SVOP: variants seen among roughly 807,000 people sequenced by gnomAD.
SVOP encodes the protein SV2 related protein, also known as synaptic vesicle 2-related protein.
Under a neutral mutation model 69.1 loss-of-function variants are expected in SVOP, and 17 were observed. The ratio of observed to expected loss-of-function variants is 0.25; its 90% confidence interval spans 0.17 to 0.37. SVOP has a LOEUF of 0.37. SVOP is among the 10% of genes least tolerant of loss of function. SVOP has a pLI of 1.00. For missense variants in SVOP, 435 were observed against 597.5 expected (o/e 0.73, Z 2.84); for synonymous variants, 238 against 238.6 (o/e 1.00, Z 0.02).
chr12:108,969,344 C>T (rs1457868737), intron 5 of SVOP, among the ~76,000 whole-genome samples: 1 of 144,230 alleles, frequency 6.9e-6, no homozygotes, highest in Non-Finnish European at 1.5e-5. Context: ...TCCTACCTCG[C>T]TCTCTTTCTC....
At chr12:108,926,447 T>A (rs913039682) in intron 11 of SVOP, 1 of 152,210 alleles carries the variant, frequency 6.6e-6, no homozygotes, top group African/African-American at 2.4e-5. Context: ...AAATATGGCA[T>A]GCTTCATCAA....
At chr12:108,958,913 G>A (rs2040001064) in intron 6 of SVOP, among the ~76,000 whole-genome samples, 1 of 151,990 alleles carries the variant, frequency 6.6e-6, no homozygotes, top group Admixed American at 6.6e-5. Flanking sequence ...GGCCTCTGTG[G>A]CAATGGTATG....
At chr12:108,956,531 G>A (rs957072236) in intron 6 of SVOP, among the ~76,000 whole-genome samples, 2 of 152,150 alleles carry the variant, frequency 1.3e-5, no homozygotes, top group African/African-American at 4.8e-5. Flanking sequence ...CCCCCAGGAT[G>A]GAACCACTCC....
chr12:108,997,328 T>C (rs1027105215), intron 1 of SVOP, among the ~76,000 whole-genome samples: 50 of 152,204 alleles, frequency 3.3e-4, no homozygotes, highest in Non-Finnish European at 6.2e-4. Flanking sequence ...GGAGTCTCGC[T>C]GATTGCTAGC....
At chr12:108,981,294 C>T (rs1293808921) in intron 2 of SVOP, among the ~76,000 whole-genome samples, 4 of 152,194 alleles carry the variant, frequency 2.6e-5, no homozygotes, top group East Asian at 3.9e-4. Flanking sequence ...TATGGACTTG[C>T]CCTGTGTTTC....
At chr12:108,962,320 A>G (rs376287375) in intron 5 of SVOP, among the ~76,000 whole-genome samples, 1 of 152,068 alleles carries the variant, frequency 6.6e-6, no homozygotes, top group African/African-American at 2.4e-5. Context: ...GCTATTCTCA[A>G]ACTCCTGGGA....
intron 5 of SVOP, among the ~76,000 whole-genome samples, chr12:108,963,817 A>G (rs1016896579): frequency 6.6e-6 from 1 of 152,078 alleles, no homozygotes; most frequent in Non-Finnish European, 1.5e-5. Flanking sequence ...AACACATTTT[A>G]AAAAATAGCT....
chr12:108,978,895 A>G (rs2040120866), intron 2 of SVOP, among the ~76,000 whole-genome samples: 1 of 152,252 alleles, frequency 6.6e-6, no homozygotes, highest in African/African-American at 2.4e-5. Flanking sequence ...AGTTGGCTAA[A>G]TAAATTAAGT....
intron 2 of SVOP, among the ~76,000 whole-genome samples, chr12:108,982,193 C>A (rs1487677447): frequency 6.6e-6 from 1 of 151,682 alleles, no homozygotes; most frequent in East Asian, 1.9e-4. Flanking sequence ...TTATCATCAC[C>A]ATCATCATGA....
intron 11 of SVOP, among the ~76,000 whole-genome samples, chr12:108,928,382 C>G (rs2039795105): frequency 6.6e-6 from 1 of 152,050 alleles, no homozygotes; most frequent in African/African-American, 2.4e-5. Context: ...CACCCCCCAC[C>G]CTTGATTTCT....
intron 3 of SVOP, 110 bp from the exon 4 acceptor site, chr12:108,977,606 C>T: frequency 1.6e-6 from 1 of 644,072 alleles, no homozygotes; most frequent in Non-Finnish European, 2.8e-6. Context: ...CCTCTCTACC[C>T]ATTGCCAAGT....
At chr12:108,915,748 C>T (rs1402134620) in intron 15 of SVOP, 35 bp downstream of exon 15, 2 of 1,561,928 alleles carry the variant, frequency 1.3e-6, no homozygotes, top group African/African-American at 1.4e-5. Context: ...GGTTTTGTCA[C>T]CCCCCATCCC....
At position 108,979,128 on chromosome 12, in the gene SVOP, A is replaced by C. The variant is rs571673460; in HGVS notation, c.197-465T>G. Reference sequence around the variant, plus strand: ...CCGTAGAATATATACAAGGCTTTGAATTATGGTTTAATTTGTTTGTCAGAG... The same window carrying C: ...CCGTAGAATATATACAAGGCTTTGACTTATGGTTTAATTTGTTTGTCAGAG... On this transcript the variant is annotated intron_variant, in intron 2 of 15. Transcript: ENST00000610966. Among the ~76,000 whole-genome samples the C allele has an allele frequency of 1.0e-3, 156 of 152,360 alleles. 4 individuals are homozygous for C. The South Asian group carries it at 0.02, about 20-fold the overall frequency.
At chr12:108,956,029 A>G (rs139555374) in intron 6 of SVOP, among the ~76,000 whole-genome samples, 85,943 of 151,954 alleles carry the variant, frequency 0.57, 26,128 homozygotes, top group South Asian at 0.7. Context: ...GGCTGGGCGC[A>G]GTGGCTCACG....
chr12:109,020,842 C>T lies in SVOP; in HGVS notation c.27G>A (p.Arg9=). The change falls in exon 1 of 16, where the codon AGG becomes AGA. Residue 9 remains arginine, a synonymous_variant. Transcript: ENST00000610966. ...GCCCCCATGATACTCACGGCAGCTGCCTTAGCTGGAATAAGTCCTCCTCCA... is the reference window on the plus strand; with the variant it reads ...GCCCCCATGATACTCACGGCAGCTGTCTTAGCTGGAATAAGTCCTCCTCCA... MEEDLFQL[R]QLPVVKFRRT... is the part of the protein sequence containing the mutation. The T allele has an allele frequency of 1.4e-6, 1 of 699,140 alleles. No homozygotes were observed. The highest frequency in any genetic ancestry group is 1.5e-5 in the South Asian group (1 of 67,288). 43.3% of individuals were successfully genotyped at this position (699,140 alleles called of 1,614,324 possible). A position where few individuals can be genotyped will look rare whatever the true frequency, so the allele number is the denominator to read the frequency against.
rs1205010932 is a variant in SVOP, at chr12:108,940,781, T to C, written c.768+3A>G. 6.5e-7 allele frequency: 1 copy of C among 1,536,900 alleles called. No homozygotes were observed. The highest frequency in any genetic ancestry group is 1.4e-5 in the African/African-American group (1 of 73,006). On this transcript the variant is annotated splice_donor_region_variant and intron_variant, in intron 8 of 15. Transcript: ENST00000610966. ...AAGGTGAAATCTCTTAAAGGATACC[T>C]ACGAAACACAGCACGGCAAAGAGGA...
Position 108,912,018 on chromosome 12 carries a change from C to CG in SVOP, c.*516dup, listed in dbSNP as rs1383310650. ...CTGGTCAGGCTCTAGGGAGGCAAAC[C>CG]GGGGGGCCCCTGCCAGGAAATAGCT... On this transcript the variant is annotated 3_prime_UTR_variant, in exon 16 of 16. Coordinates refer to ENST00000610966, the MANE Select transcript of SVOP (RefSeq NM_018711.5). 1 of 291,214 alleles carries CG rather than the reference C, an allele frequency of 3.4e-6. No individual in the cohort carries two copies. Among genetic ancestry groups the CG allele is most frequent in the Non-Finnish European group, 5.1e-6 (1 of 194,682 alleles). 18.0% of individuals were successfully genotyped at this position (291,214 alleles called of 1,614,324 possible).
chr12:108,941,912 C>G (rs1036692424), intron 7 of SVOP, among the ~76,000 whole-genome samples: 4 of 150,772 alleles, frequency 2.7e-5, no homozygotes. Flanking sequence ...GGATCCACCC[C>G]CCTCGGCCTC....
chr12:108,978,876 A>G (rs564678853), intron 2 of SVOP, among the ~76,000 whole-genome samples: 1 of 152,260 alleles, frequency 6.6e-6, no homozygotes, highest in Admixed American at 6.5e-5. Context: ...CAGAATGTCC[A>G]TCAACAGGAG....
Sources: allele counts gnomAD v4.1 joint callset (sites outside exome capture counted in the v4.1 genomes callset), GRCh38; gene constraint gnomAD v4.1.1; transcripts MANE v1.5; gene names NCBI Gene and HGNC (gene_info 2026-07-23, HGNC 2026-07-21).